The following DYNC2I1 variants were observed in gnomAD, a reference collection of about 807,000 sequenced individuals.
DYNC2I1 encodes cytoplasmic dynein 2 intermediate chain 1.
Under a neutral mutation model 133.4 loss-of-function variants are expected in DYNC2I1, and 89 were observed. The ratio of observed to expected loss-of-function variants is 0.67; its 90% CI spans 0.56 to 0.80. The LOEUF (loss-of-function observed/expected upper bound fraction) is 0.80, where lower values mean the gene tolerates loss of function less well. Among genes scored for constraint, DYNC2I1 ranks in the 30% least tolerant of loss-of-function variants. The probability of loss-of-function intolerance (pLI) is 0.00; values close to 1 mark genes in which losing one functional copy is unlikely to be tolerated. For synonymous variants in DYNC2I1, 504 were observed against 484.3 expected, an observed-to-expected ratio of 1.04 and a Z score of -0.54; for missense variants, 1,291 against 1,314.5, an observed-to-expected ratio of 0.98 and a Z score of 0.28.
chr7:158,926,314 C>A lies in DYNC2I1; in HGVS notation c.2371+14C>A. 1 of 1,606,358 alleles carries A rather than the reference C, an allele frequency of 6.2e-7. No homozygotes were observed. Among genetic ancestry groups the A allele is most frequent in the Non-Finnish European group, 8.5e-7 (1 of 1,175,824 alleles). ...CTACTCAAGAAGGTACGTGATTCTT[C>A]ACTTTCTTAAAATCCTTCATCAATG... On this transcript the variant is annotated intron_variant, in intron 18 of 24. Transcript: ENST00000407559.
At chr7:158,842,862 C>T in the DYNC2I1 span, among the ~76,000 whole-genome samples, 1 of 152,144 alleles carries the variant, frequency 6.6e-6, no homozygotes, top group African/African-American at 2.4e-5. Context: ...AAAGCAGACA[C>T]CATGTTGTGT....
chr7:158,853,946 C>A (rs373912615), upstream of DYNC2I1, among the ~76,000 whole-genome samples: 2 of 151,484 alleles, frequency 1.3e-5, no homozygotes, highest in Non-Finnish European at 2.9e-5. Flanking sequence ...AGCCACCATG[C>A]CCAGTGGAGT....
At chr7:158,948,714 A>G (rs918697399), downstream of DYNC2I1, among the ~76,000 whole-genome samples, 1 of 151,888 alleles carries the variant, frequency 6.6e-6, no homozygotes, top group African/African-American at 2.4e-5. Context: ...ATGACCCCAC[A>G]CCCCCCACAA....
chr7:158,927,135 C>T, intron 20 of DYNC2I1, 92 bp downstream of exon 20: 1 of 892,142 alleles, frequency 1.1e-6, no homozygotes. Context: ...CAGTGGCTCA[C>T]ACCTGCTGGG....
intron 16 of DYNC2I1, among the ~76,000 whole-genome samples, chr7:158,922,932 G>A (rs1308960535): frequency 3.3e-5 from 5 of 152,090 alleles, no homozygotes; most frequent in African/African-American, 4.8e-5. Context: ...CTTAGACTGC[G>A]TGGAGGTTTC....
chr7:158,901,737 A>G lies in DYNC2I1; in HGVS notation c.1060-2A>G. 5.7e-6 allele frequency: 9 copies of G among 1,565,420 alleles called. No individual in the cohort carries two copies. Among genetic ancestry groups the G allele is most frequent in the Non-Finnish European group, 7.8e-6 (9 of 1,156,136 alleles). ...GGTTTTGTGTTTGATTTTTACCTCTAGGAAATTGAAAAGGAAGAAACTGAT... is the reference window on the plus strand; with the variant it reads ...GGTTTTGTGTTTGATTTTTACCTCTGGGAAATTGAAAAGGAAGAAACTGAT... On this transcript the variant is annotated splice_acceptor_variant, in intron 8 of 24. Transcript: ENST00000407559. LOFTEE classifies it high-confidence loss of function.
At chr7:158,893,052 T>G (rs574395842) in intron 8 of DYNC2I1, among the ~76,000 whole-genome samples, 4 of 152,200 alleles carry the variant, frequency 2.6e-5, no homozygotes, top group South Asian at 4.2e-4. Context: ...AGTGGTGCAT[T>G]TGTTACAGTT....
At chr7:158,898,026 A>G (rs947857507) in intron 8 of DYNC2I1, among the ~76,000 whole-genome samples, 4 of 151,964 alleles carry the variant, frequency 2.6e-5, no homozygotes, top group African/African-American at 9.7e-5. Flanking sequence ...ATGTTGTTTA[A>G]TCTTCATATA....
chr7:158,933,834 A>G (rs1049102794), intron 21 of DYNC2I1, among the ~76,000 whole-genome samples: 43 of 152,238 alleles, frequency 2.8e-4, no homozygotes, highest in African/African-American at 9.6e-4. Flanking sequence ...TGTACAATCT[A>G]AAAGAAATTT....
intron 5 of DYNC2I1, among the ~76,000 whole-genome samples, chr7:158,881,686 C>T (rs1035053205): frequency 3.3e-5 from 5 of 152,140 alleles, no homozygotes; most frequent in Non-Finnish European, 5.9e-5. Context: ...ATCTCCTGAC[C>T]TCATGATCCG....
intron 14 of DYNC2I1, among the ~76,000 whole-genome samples, chr7:158,915,276 C>T (rs893459412): frequency 6.3e-5 from 7 of 110,790 alleles, no homozygotes; most frequent in South Asian, 2.4e-4. Context: ...AACCTCGACA[C>T]GGTGGTTGAG....
intron 1 of DYNC2I1, among the ~76,000 whole-genome samples, chr7:158,858,670 T>C (rs1841550842): frequency 6.6e-6 from 1 of 152,130 alleles, no homozygotes; most frequent in Non-Finnish European, 1.5e-5. Context: ...TCAGGACAAA[T>C]TGTTTTCTAG....
intron 23 of DYNC2I1, among the ~76,000 whole-genome samples, chr7:158,936,259 C>G (rs1181058870): frequency 6.6e-6 from 1 of 151,916 alleles, no homozygotes; most frequent in African/African-American, 2.4e-5. Context: ...AGCTCTTGAG[C>G]TTTTTTTGGC....
At chr7:158,874,549 C>G (rs1843179410) in intron 3 of DYNC2I1, among the ~76,000 whole-genome samples, 1 of 152,182 alleles carries the variant, frequency 6.6e-6, no homozygotes. Context: ...ACTGGAAAGA[C>G]TTTTGAAAAC....
intron 14 of DYNC2I1, 101 bp from the exon 15 acceptor site, chr7:158,918,639 A>C (rs1178947234): frequency 7.5e-7 from 1 of 1,339,690 alleles, no homozygotes; most frequent in African/African-American, 1.5e-5. Flanking sequence ...GGATCTAAGC[A>C]GTTATTTGCA....
In DYNC2I1 at chr7:158,879,983, A is replaced by G. The variant is rs1179218094; in HGVS notation, c.873A>G (p.Glu291=). Residue 291 remains glutamate, a synonymous_variant, in exon 5 of 25, where the codon GAA becomes GAG. Coordinates refer to ENST00000407559, the MANE Select transcript of DYNC2I1 (RefSeq NM_018051.5). ...CAAAAGATGAGCCCAGGAAAAGGGA[A>G]TCCCAGGTACCCCTTCTGATGCTTC... ...KSAKDEPRKR[E]SQNGEHRNRG... The G allele has an allele frequency of 1.3e-6, 2 of 1,593,128 alleles. No individual in the cohort carries two copies. Among genetic ancestry groups the G allele is most frequent in the South Asian group, 2.3e-5 (2 of 87,830 alleles).
At chr7:158,898,507 CTCTT>C (rs1233691046) in intron 8 of DYNC2I1, among the ~76,000 whole-genome samples, 1 of 152,158 alleles carries the variant, frequency 6.6e-6, no homozygotes, top group Non-Finnish European at 1.5e-5. Context: ...CATGTTGACT[CTCTT>C]TACTTTGAAG....
At chr7:158,925,914 G>A (rs1485136378) in intron 17 of DYNC2I1, among the ~76,000 whole-genome samples, 5 of 152,164 alleles carry the variant, frequency 3.3e-5, no homozygotes, top group Non-Finnish European at 1.5e-5. Context: ...TGCTCTGTTT[G>A]GATGGTGGGC....
At chr7:158,909,247 C>G (rs1847137107) in intron 11 of DYNC2I1, among the ~76,000 whole-genome samples, 1 of 143,932 alleles carries the variant, frequency 6.9e-6, no homozygotes, top group Non-Finnish European at 1.5e-5. Context: ...AGGAGAATTG[C>G]TTGAACCTGG....
Sources: gnomAD v4.1 joint callset for allele counts (sites outside exome capture counted in the v4.1 genomes callset) on GRCh38, gnomAD v4.1.1 for gene constraint, MANE v1.5 for transcripts, NCBI Gene and HGNC (gene_info 2026-07-23, HGNC 2026-07-21) for gene names.